SND1: variants seen among roughly 807,000 people sequenced by gnomAD.
SND1 encodes staphylococcal nuclease and tudor domain containing 1.
Under a neutral mutation model 121.7 loss-of-function variants are expected in SND1, and 38 were observed. That is an observed-to-expected ratio of 0.31 (90% CI 0.24 to 0.41). The LOEUF is 0.41. SND1 is among the 10% of genes least tolerant of loss of function. The pLI is 1.00. For synonymous variants in SND1, 401 were observed against 447.4 expected, an observed-to-expected ratio of 0.90 and a Z score of 1.31; for missense variants, 868 against 1,184.6, an observed-to-expected ratio of 0.73 and a Z score of 3.92.
At position 127,807,570 on chromosome 7, in the gene SND1, G is replaced by C; in HGVS notation, c.1239G>C (p.Lys413Asn). 2 of 1,612,128 alleles carry C rather than the reference G, an allele frequency of 1.2e-6. No individual in the cohort carries two copies. The highest frequency in any genetic ancestry group is 1.7e-6 in the Non-Finnish European group (2 of 1,178,202). Residue 413 changes from lysine to asparagine, a missense_variant, in exon 11 of 24, where the codon AAG (lysine) becomes AAC (asparagine). Lys to Asn is a moderately conservative substitution (Grantham distance 94). Around this residue, in one of 2 missense-constraint regions of SND1, gnomAD observed 743 missense variants for 1,071.3 expected, o/e 0.69. Coordinates refer to ENST00000354725, the MANE Select transcript of SND1 (RefSeq NM_014390.4). ...REFLRKKLIG[K>N]KVNVTVDYIR... ...TTCTTCGAAAAAAGCTTATTGGGAA[G>C]AAGGTAAGTAATTGATGACAGAAGC...
intron 15 of SND1, among the ~76,000 whole-genome samples, chr7:127,938,656 C>G (rs1180843195): frequency 6.6e-6 from 1 of 152,220 alleles, no homozygotes; most frequent in Non-Finnish European, 1.5e-5. Context: ...ATTAATCAAT[C>G]ATTTTTCTCT....
chr7:127,888,976 G>A (rs1799959827), intron 13 of SND1, among the ~76,000 whole-genome samples: 1 of 152,070 alleles, frequency 6.6e-6, no homozygotes, highest in African/African-American at 2.4e-5. Flanking sequence ...ACATTGCCCT[G>A]ATATGTGACA....
Position 127,701,201 on chromosome 7 carries a change from C to G in SND1, c.467C>G (p.Ala156Gly). ...CGGCTTTCAGAATGTGAAGAACAAGCAAAGGCAGCCAAGAAAGGGATGTGG... is the reference window on the plus strand; with the variant it reads ...CGGCTTTCAGAATGTGAAGAACAAGGAAAGGCAGCCAAGAAAGGGATGTGG... ...QNRLSECEEQ[A>G]KAAKKGMWSE... The change falls in exon 5 of 24, where the codon GCA (alanine) becomes GGA (glycine). Residue 156 changes from alanine to glycine, a missense_variant. Around this residue, in one of 2 missense-constraint regions of SND1, gnomAD observed 743 missense variants for 1,071.3 expected, o/e 0.69. Coordinates refer to ENST00000354725, the MANE Select transcript of SND1 (RefSeq NM_014390.4). The G allele has an allele frequency of 6.2e-7, 1 of 1,613,990 alleles. No homozygotes were observed. Among genetic ancestry groups the G allele is most frequent in the Non-Finnish European group, 8.5e-7 (1 of 1,179,954 alleles).
At chr7:127,955,100 C>T (rs1377712935) in intron 15 of SND1, among the ~76,000 whole-genome samples, 2 of 152,224 alleles carry the variant, frequency 1.3e-5, no homozygotes, top group African/African-American at 4.8e-5. Context: ...CCTCTCCTTT[C>T]TTGTTGAACA....
intron 10 of SND1, among the ~76,000 whole-genome samples, chr7:127,751,060 T>C (rs950133721): frequency 6.6e-6 from 1 of 152,204 alleles, no homozygotes; most frequent in East Asian, 1.9e-4. Context: ...ATATACTTTA[T>C]TGATGTTACT....
chr7:127,835,519 G>A (rs1419804631), intron 11 of SND1, among the ~76,000 whole-genome samples: 1 of 152,104 alleles, frequency 6.6e-6, no homozygotes, highest in East Asian at 1.9e-4. Context: ...AATAAGAAGG[G>A]ACATACAGGC....
At chr7:127,782,228 G>A (rs1418553586) in intron 10 of SND1, among the ~76,000 whole-genome samples, 1 of 152,192 alleles carries the variant, frequency 6.6e-6, no homozygotes, top group African/African-American at 2.4e-5. Context: ...TGTGGTTGTT[G>A]AGGATGATCA....
chr7:127,879,570 A>G (rs1293543313), intron 12 of SND1, among the ~76,000 whole-genome samples: 1 of 152,132 alleles, frequency 6.6e-6, no homozygotes, highest in Non-Finnish European at 1.5e-5. Flanking sequence ...TTCCTTCTAG[A>G]TCAGCCCCAT....
At chr7:127,669,637 C>T (rs772053822) in intron 1 of SND1, among the ~76,000 whole-genome samples, 3 of 152,220 alleles carry the variant, frequency 2.0e-5, no homozygotes, top group Non-Finnish European at 2.9e-5. Flanking sequence ...AGTAGATTTA[C>T]CCCAAAGCCT....
intron 10 of SND1, among the ~76,000 whole-genome samples, chr7:127,783,732 C>G (rs1797763842): frequency 6.6e-6 from 1 of 152,182 alleles, no homozygotes; most frequent in South Asian, 2.1e-4. Flanking sequence ...CTTTAATCAT[C>G]AAGCACTTAT....
chr7:127,915,514 G>A (rs1443032702), intron 14 of SND1, among the ~76,000 whole-genome samples: 1 of 152,092 alleles, frequency 6.6e-6, no homozygotes, highest in Non-Finnish European at 1.5e-5. Flanking sequence ...TTGAATCAGT[G>A]AATGAATGAT....
chr7:127,924,618 G>C (rs1173671710), intron 14 of SND1, among the ~76,000 whole-genome samples: 1 of 152,150 alleles, frequency 6.6e-6, no homozygotes. Context: ...CCTCTAGGAA[G>C]CAGGTGACCT....
intron 15 of SND1, among the ~76,000 whole-genome samples, chr7:127,938,263 G>T (rs1801107127): frequency 6.6e-6 from 1 of 152,158 alleles, no homozygotes; most frequent in African/African-American, 2.4e-5. Context: ...AACAGATTTG[G>T]GTAGTGTTTT....
chr7:127,742,845 G>GC (rs1252009886), intron 10 of SND1, among the ~76,000 whole-genome samples: 3 of 152,150 alleles, frequency 2.0e-5, no homozygotes, highest in African/African-American at 7.2e-5. Flanking sequence ...ATGATAAGAT[G>GC]CAAGAGGGAC....
chr7:127,864,955 A>G, intron 12 of SND1, among the ~76,000 whole-genome samples: 1 of 152,230 alleles, frequency 6.6e-6, no homozygotes, highest in East Asian at 1.9e-4. Flanking sequence ...GACCATATGA[A>G]TGAGGATGTG....
At chr7:127,958,082 G>C (rs761767809) in intron 15 of SND1, among the ~76,000 whole-genome samples, 14 of 152,164 alleles carry the variant, frequency 9.2e-5, no homozygotes, top group Non-Finnish European at 1.9e-4. Flanking sequence ...TGAAGGCTAG[G>C]GGGCATGAGG....
intron 20 of SND1, chr7:128,086,562 T>C (rs1793690954): frequency 9.0e-6 from 3 of 334,512 alleles, no homozygotes; most frequent in South Asian, 7.2e-5. Context: ...TGTGCTCCCC[T>C]AGCCAGCAGC....
intron 16 of SND1, among the ~76,000 whole-genome samples, chr7:128,048,757 A>T (rs1014208108): frequency 6.6e-6 from 1 of 152,150 alleles, no homozygotes; most frequent in African/African-American, 2.4e-5. Flanking sequence ...CTCTCAAGTG[A>T]TGCAGGGTAT....
chr7:128,086,700 G>A, intron 20 of SND1: 2 of 587,666 alleles, frequency 3.4e-6, no homozygotes, highest in Admixed American at 2.9e-5. Flanking sequence ...GAACCACTAG[G>A]TGTGCCAGCA....
Sources: gnomAD v4.1 joint callset for allele counts (sites outside exome capture counted in the v4.1 genomes callset) on GRCh38, gnomAD v4.1.1 for gene constraint, gnomAD v4.1.1 regional missense constraint, MANE v1.5 for transcripts, NCBI Gene and HGNC (gene_info 2026-07-23, HGNC 2026-07-21) for gene names.